ABCB8: variants seen among roughly 807,000 people sequenced by gnomAD.
ABCB8 encodes the protein mitochondrial potassium channel ATP-binding subunit.
A neutral mutation model predicts 73.0 loss-of-function variants in ABCB8; 52 were observed. The ratio of observed to expected loss-of-function variants is 0.71; its 90% CI spans 0.57 to 0.90. The LOEUF (loss-of-function observed/expected upper bound fraction) is 0.90, where lower values mean the gene tolerates loss of function less well. Among genes scored for constraint, ABCB8 ranks in the 40% least tolerant of loss-of-function variants. ABCB8 has a pLI of 0.00. For synonymous variants in ABCB8, 428 were observed against 423.5 expected, an observed-to-expected ratio of 1.01 and a Z score of -0.13; for missense variants, 909 against 974.6, an observed-to-expected ratio of 0.93 and a Z score of 0.90.
At chr7:151,037,051 A>T (rs1288245942) in intron 9 of ABCB8, 27 of 689,884 alleles carry the variant, frequency 3.9e-5, no homozygotes, top group Non-Finnish European at 2.7e-6. Flanking sequence ...GTCCGCCTCC[A>T]GAACTCTTAC....
intron 14 of ABCB8, 119 bp downstream of exon 14, chr7:151,042,227 T>C (rs1167381201): frequency 2.1e-6 from 3 of 1,448,210 alleles, no homozygotes; most frequent in Non-Finnish European, 1.9e-6. Context: ...AGAAAGACAG[T>C]TGTGTCAGGG....
At chr7:151,031,252 G>A (rs559074093) in intron 1 of ABCB8, 66 of 1,546,616 alleles carry the variant, frequency 4.3e-5, no homozygotes, top group African/African-American at 2.8e-4. Flanking sequence ...AACACATGGC[G>A]TAATGGGAAA....
Position 151,033,736 on chromosome 7 carries a change from G to A in ABCB8, c.227G>A (p.Gly76Glu), listed in dbSNP as rs751323546. ...CCCTCTGCCTGGTGCTGGGTTGGGG[G>A]AGCCCTGCTAGGCCCCATGGTACTG... The part of the protein sequence containing the change: ...WSPSAWCWVG[G>E]ALLGPMVLSK... The change falls in exon 2 of 16, where the codon GGA becomes GAA. Residue 76 changes from glycine to glutamate, a missense_variant. Transcript: ENST00000358849. 1.9e-6 allele frequency: 3 copies of A among 1,613,974 alleles called. No homozygotes were observed. The highest frequency in any genetic ancestry group is 3.3e-5 in the Admixed American group (2 of 60,008).
intron 8 of ABCB8, among the ~76,000 whole-genome samples, 160 bp downstream of exon 8, chr7:151,036,330 A>G (rs1313951482): frequency 6.6e-6 from 1 of 152,200 alleles, no homozygotes; most frequent in African/African-American, 2.4e-5. Flanking sequence ...CCGATGTCCC[A>G]ACCCAGCTAT....
Position 151,035,714 on chromosome 7 carries a change from G to T in ABCB8, c.899G>T (p.Arg300Leu), listed in dbSNP as rs754096279. ...GVGTLMGSGLRKLSRQCQEQI... is the reference protein window; with the variant it reads ...GVGTLMGSGLLKLSRQCQEQI... ...GGCACCCTGATGGGCTCAGGCCTCC[G>T]AAAATTGTCTCGCCAGTGTCAGGAG... The change falls in exon 6 of 16, where the codon CGA (arginine) becomes CTA (leucine). Residue 300 changes from arginine (R) to leucine (L), a missense_variant. Transcript: ENST00000358849. 1.9e-6 allele frequency: 3 copies of T among 1,613,502 alleles called. No individual in the cohort carries two copies. The African/African-American group carries it at 4.0e-5, about 21-fold the overall frequency.
In ABCB8 at chr7:151,041,003, C is replaced by T. The variant is rs918501536; in HGVS notation, c.1483+81C>T. The T allele has an allele frequency of 2.6e-5, 42 of 1,608,132 alleles. 1 individual carries two copies. In the Admixed American group the frequency reaches 3.7e-4, roughly 14 times the overall value. ...AGCAAGGCCGGGAGCAGTGAGCCCC[C>T]GGTGGGGTCCCTTCCTCCACTGCCA... On this transcript the variant is annotated intron_variant, in intron 12 of 15. Transcript: ENST00000358849.
Position 151,036,079 on chromosome 7 carries a change from T to C in ABCB8, c.1020T>C (p.Tyr340=), listed in dbSNP as rs1796300475. ...FAMEQREEER[Y]GAELEACRCR... is the part of the protein sequence containing the mutation. ...CACTGGTCTCTCTCACCAGGCGCTA[T>C]GGGGCAGAGCTGGAAGCCTGCCGCT... is the stretch of plus-strand genomic sequence containing the variant. Residue 340 remains tyrosine (Y), a synonymous_variant, in exon 8 of 16, where the codon TAT becomes TAC. Transcript: ENST00000358849. 1 of 1,613,084 alleles carries C rather than the reference T, an allele frequency of 6.2e-7. No individual in the cohort carries two copies. The highest frequency in any genetic ancestry group is 8.5e-7 in the Non-Finnish European group (1 of 1,179,918).
chr7:151,044,432 G>A (rs2117244956), intron 15 of ABCB8, among the ~76,000 whole-genome samples: 1 of 152,264 alleles, frequency 6.6e-6, no homozygotes, highest in African/African-American at 2.4e-5. Context: ...TCTGTCCCCT[G>A]GGATAGTATA....
Position 151,034,437 on chromosome 7 carries a change from G to A in ABCB8, c.564+9G>A, listed in dbSNP as rs373205313. The A allele has an allele frequency of 4.3e-5, 70 of 1,613,734 alleles. No individual in the cohort carries two copies. The highest frequency in any genetic ancestry group is 1.6e-4 in the Middle Eastern group (1 of 6,082). ...TCCTCTATGGTGTCCAGGTACAGCC[G>A]GGAGTGGGGCTGGGGACCGCCGAGG... is the stretch of plus-strand genomic sequence containing the variant. On this transcript the variant is annotated intron_variant, in intron 3 of 15. Coordinates refer to ENST00000358849, the MANE Select transcript of ABCB8 (RefSeq NM_007188.5).
intron 5 of ABCB8, among the ~76,000 whole-genome samples, chr7:151,035,127 C>T (rs921837103): frequency 6.6e-6 from 1 of 152,328 alleles, no homozygotes; most frequent in South Asian, 2.1e-4. Context: ...AAAATCACTT[C>T]GCCTGCCTTG....
At position 151,044,092 on chromosome 7, in the gene ABCB8, C is replaced by G. The variant is rs755057095; in HGVS notation, c.1887C>G (p.Ser629=). 2 of 1,613,830 alleles carry G rather than the reference C, an allele frequency of 1.2e-6. No homozygotes were observed. The highest frequency in any genetic ancestry group is 1.7e-4 in the Middle Eastern group (1 of 6,060). ...DEATSALDAE[S]ERVVQEALDR... ...CTACCAGCGCGCTGGATGCAGAGTC[C>G]GAGCGGGTTGTACAGGAGGCCCTGG... is the stretch of plus-strand genomic sequence containing the variant. The change falls in exon 15 of 16, where the codon TCC becomes TCG. Residue 629 remains serine (S), a synonymous_variant. Coordinates refer to ENST00000358849, the MANE Select transcript of ABCB8 (RefSeq NM_007188.5).
intron 10 of ABCB8, 82 bp downstream of exon 10, chr7:151,040,383 T>G (rs1584955338): frequency 6.3e-7 from 1 of 1,593,102 alleles, no homozygotes; most frequent in Non-Finnish European, 8.6e-7. Context: ...ATTGACTGGG[T>G]GTGGGCGGGC....
chr7:151,033,174 GC>G (rs1796210198), intron 1 of ABCB8: 2 of 446,688 alleles, frequency 4.5e-6, no homozygotes, highest in Non-Finnish European at 4.5e-6. Flanking sequence ...CAAGTCCAGT[GC>G]CGGGCACAGG....
At chr7:151,031,148 G>A in intron 1 of ABCB8, 2 of 807,942 alleles carry the variant, frequency 2.5e-6, no homozygotes, top group Non-Finnish European at 4.1e-6. Context: ...ATGAGGGCAT[G>A]CATGTGCTCA....
Position 151,043,962 on chromosome 7 carries a change from C to T in ABCB8, c.1766-9C>T. On this transcript the variant is annotated splice_polypyrimidine_tract_variant and intron_variant, in intron 14 of 15. Transcript: ENST00000358849. Reference sequence around the variant, plus strand: ...GCTTCAGGCTCCTGCCCTGCCCCTCCCTTCCCAGGTGAACGGGGCACTACC... The same window carrying T: ...GCTTCAGGCTCCTGCCCTGCCCCTCTCTTCCCAGGTGAACGGGGCACTACC... The T allele has an allele frequency of 6.2e-7, 1 of 1,606,356 alleles. No homozygotes were observed. The highest frequency in any genetic ancestry group is 8.5e-7 in the Non-Finnish European group (1 of 1,174,554).
chr7:151,028,821 C>T lies in ABCB8; in HGVS notation c.95+211C>T, dbSNP rs755412665. ...AGCAGGAGGCTCCTGCGTCTGCAGC[C>T]GCGTGTCAGCCAGAAGGAGGGGACG... On this transcript the variant is annotated intron_variant, in intron 1 of 15. Coordinates refer to ENST00000358849, the MANE Select transcript of ABCB8 (RefSeq NM_007188.5). 1.2e-5 allele frequency: 18 copies of T among 1,555,886 alleles called. 1 individual carries two copies. The highest frequency in any genetic ancestry group is 3.4e-4 in the Middle Eastern group (2 of 5,908).
At chr7:151,030,470 G>C (rs1203020976) in intron 1 of ABCB8, among the ~76,000 whole-genome samples, 1 of 151,276 alleles carries the variant, frequency 6.6e-6, no homozygotes, top group Admixed American at 6.6e-5. Flanking sequence ...AGCCGAGATT[G>C]TGCCATTGCG....
At position 151,040,886 on chromosome 7, in the gene ABCB8, G is replaced by A. The variant is rs1052488181; in HGVS notation, c.1447G>A (p.Gly483Ser). 22 of 1,606,450 alleles carry A rather than the reference G, an allele frequency of 1.4e-5. No individual in the cohort carries two copies. Among genetic ancestry groups the A allele is most frequent in the Non-Finnish European group, 1.8e-5 (21 of 1,176,790 alleles). Residue 483 changes from glycine (G) to serine (S), a missense_variant, in exon 12 of 16, where the codon GGC becomes AGC. Coordinates refer to ENST00000358849, the MANE Select transcript of ABCB8 (RefSeq NM_007188.5). ...LKDFTLTLPP[G>S]KIVALVGQSG... ...AGACTTCACCCTGACGCTGCCCCCT[G>A]GCAAGATCGTGGCCCTCGTGGGCCA...
chr7:151,044,226 G>T lies in ABCB8; in HGVS notation c.2016+5G>T. The T allele has an allele frequency of 6.3e-7, 1 of 1,596,358 alleles. No individual in the cohort carries two copies. Among genetic ancestry groups the T allele is most frequent in the Non-Finnish European group, 8.6e-7 (1 of 1,166,468 alleles). Reference sequence around the variant, plus strand: ...GCCGATGGCCGTGTCTGGGAGGTTAGTTGTCCTGGGGGCGTGGATCAGTGG... The same window carrying T: ...GCCGATGGCCGTGTCTGGGAGGTTATTTGTCCTGGGGGCGTGGATCAGTGG... On this transcript the variant is annotated splice_donor_5th_base_variant and intron_variant, in intron 15 of 15. Transcript: ENST00000358849.
Sources: gnomAD v4.1 joint callset for allele counts (sites outside exome capture counted in the v4.1 genomes callset) on GRCh38, gnomAD v4.1.1 for gene constraint, MANE v1.5 for transcripts, NCBI Gene and HGNC (gene_info 2026-07-23, HGNC 2026-07-21) for gene names.